Variants in RXFP2 observed in about 807,000 individuals in gnomAD.
The protein encoded by RXFP2 is relaxin family peptide receptor 2.
A neutral mutation model predicts 88.6 loss-of-function variants in RXFP2; 68 were observed. That is an observed-to-expected ratio of 0.77 (90% CI 0.63 to 0.94). The LOEUF (loss-of-function observed/expected upper bound fraction) is 0.94. RXFP2 is among the 40% of genes least tolerant of loss of function. The pLI, the probability that RXFP2 is intolerant of heterozygous loss-of-function variation, is 0.00. For synonymous variants in RXFP2, 329 were observed against 306.8 expected, an observed-to-expected ratio of 1.07 and a Z score of -0.76; for missense variants, 791 against 893.9, an observed-to-expected ratio of 0.88 and a Z score of 1.47.
chr13:31,790,988 T>C (rs1242648896), intron 14 of RXFP2, among the ~76,000 whole-genome samples: 1 of 152,068 alleles, frequency 6.6e-6, no homozygotes, highest in East Asian at 1.9e-4. Context: ...GCAGCCTTGG[T>C]CTAGAAACTG....
At chr13:31,758,157 A>G (rs1872055388) in intron 1 of RXFP2, 101 bp from the exon 2 acceptor site, 8 of 1,129,142 alleles carry the variant, frequency 7.1e-6, no homozygotes, top group South Asian at 3.7e-5. Flanking sequence ...GAATAATACC[A>G]GATGAACTCA....
intron 3 of RXFP2, 59 bp from the exon 4 acceptor site, chr13:31,764,978 C>T (rs1872481323): frequency 1.1e-6 from 1 of 938,988 alleles, no homozygotes; most frequent in Admixed American, 1.7e-5. Context: ...TTATTAAAGG[C>T]AAAGTCATAA....
chr13:31,782,230 TG>T (rs1217865793), intron 10 of RXFP2, among the ~76,000 whole-genome samples: 1 of 152,184 alleles, frequency 6.6e-6, no homozygotes, highest in Admixed American at 6.5e-5. Context: ...ATATTTTTTA[TG>T]GGGGCGGGAA....
In RXFP2 at chr13:31,765,910, T is replaced by C. The variant is rs769904831; in HGVS notation, c.426-46T>C. ...ATGTGGCTTCTAGGGAAGAGTGGGT[T>C]GGCCATAACAATCCATAATGAAGTT... On this transcript the variant is annotated intron_variant, in intron 4 of 17. Transcript: ENST00000298386. The C allele has an allele frequency of 5.5e-6, 5 of 901,394 alleles. No individual in the cohort carries two copies. In the Admixed American group the frequency reaches 9.7e-5, roughly 18 times the overall value. 55.8% of individuals were successfully genotyped at this position (901,394 alleles called of 1,614,324 possible).
chr13:31,787,244 G>A (rs1401728944), intron 13 of RXFP2, among the ~76,000 whole-genome samples: 3 of 152,168 alleles, frequency 2.0e-5, no homozygotes, highest in South Asian at 2.1e-4. Context: ...AGCAGACTAC[G>A]CTGCCTGACT....
intron 5 of RXFP2, among the ~76,000 whole-genome samples, chr13:31,771,649 G>A (rs1453007748): frequency 6.6e-6 from 1 of 151,974 alleles, no homozygotes; most frequent in Non-Finnish European, 1.5e-5. Flanking sequence ...AACATTAGCT[G>A]GGCATGGTGG....
At chr13:31,795,523 G>A (rs1873990417) in intron 16 of RXFP2, among the ~76,000 whole-genome samples, 1 of 152,116 alleles carries the variant, frequency 6.6e-6, no homozygotes, top group Non-Finnish European at 1.5e-5. Context: ...TTCTAACAGA[G>A]TGATTATCTT....
chr13:31,794,884 A>T (rs1873956319), intron 16 of RXFP2, among the ~76,000 whole-genome samples: 1 of 151,700 alleles, frequency 6.6e-6, no homozygotes, highest in African/African-American at 2.4e-5. Flanking sequence ...AGACAAAGAG[A>T]TCGTCACACA....
intron 1 of RXFP2, among the ~76,000 whole-genome samples, chr13:31,753,724 A>G (rs1043334955): frequency 6.6e-6 from 1 of 152,196 alleles, no homozygotes; most frequent in Non-Finnish European, 1.5e-5. Flanking sequence ...ATGGAAGACT[A>G]AAAAATAATT....
At chr13:31,772,906 T>G (rs1872785560) in intron 5 of RXFP2, among the ~76,000 whole-genome samples, 2 of 152,224 alleles carry the variant, frequency 1.3e-5, no homozygotes, top group Non-Finnish European at 1.5e-5. Context: ...TGACAACATG[T>G]AGGTAAAATA....
At chr13:31,797,956 T>C (rs770541248) in intron 17 of RXFP2, among the ~76,000 whole-genome samples, 1 of 152,158 alleles carries the variant, frequency 6.6e-6, no homozygotes, top group Non-Finnish European at 1.5e-5. Flanking sequence ...GAAAATCACC[T>C]TTCCTTAGCA....
intron 7 of RXFP2, among the ~76,000 whole-genome samples, chr13:31,776,102 T>TTTTCTTTTCTTTCTTTCTTTCTTTCTTTC (rs372102585): frequency 4.5e-5 from 5 of 109,910 alleles, no homozygotes; most frequent in African/African-American, 1.8e-4. Context: ...CTTTCTTTTC[T>TTTTCTTTTCTTTCTTTCTTTCTTTCTTTC]TTTCTTTCTT....
Position 31,780,897 on chromosome 13 carries a change from C to T in RXFP2, c.786-774C>T, listed in dbSNP as rs1484432906. Among the ~76,000 whole-genome samples, 7 of 152,282 alleles carry T rather than the reference C, an allele frequency of 4.6e-5. No homozygotes were observed. In the East Asian group the frequency reaches 7.7e-4, roughly 17 times the overall value. On this transcript the variant is annotated intron_variant, in intron 9 of 17. Coordinates refer to ENST00000298386, the MANE Select transcript of RXFP2 (RefSeq NM_130806.5). ...TCAGTACTAGAGTTTCTGATTCAGT[C>T]GGTCTTGGGCAAGAATCTGCATTTC...
intron 1 of RXFP2, among the ~76,000 whole-genome samples, chr13:31,748,538 G>A (rs535674533): frequency 9.2e-5 from 14 of 152,004 alleles, no homozygotes; most frequent in South Asian, 2.1e-4. Context: ...TCTTTCGTTC[G>A]GTACCTATTC....
chr13:31,802,628 A>G lies in RXFP2; in HGVS notation c.*223A>G, dbSNP rs1399860664. ...TTCCTCTCCTCACCCCACATGCCTG[A>G]AAAGCACATGTGAATTCGTGTATAG... is the stretch of plus-strand genomic sequence containing the variant. On this transcript the variant is annotated 3_prime_UTR_variant, in exon 18 of 18. Coordinates refer to ENST00000298386, the MANE Select transcript of RXFP2 (RefSeq NM_130806.5). 1 of 560,072 alleles carries G rather than the reference A, an allele frequency of 1.8e-6. No homozygotes were observed. Among genetic ancestry groups the G allele is most frequent in the Non-Finnish European group, 3.2e-6 (1 of 311,778 alleles). 34.7% of individuals were successfully genotyped at this position (560,072 alleles called of 1,614,324 possible).
At chr13:31,765,876 T>C (rs1872527724) in intron 4 of RXFP2, 80 bp from the exon 5 acceptor site, 2 of 737,498 alleles carry the variant, frequency 2.7e-6, no homozygotes, top group African/African-American at 3.5e-5. Context: ...AAATATTCTT[T>C]TCCCAAGCAT....
At chr13:31,742,554 AT>A (rs1270515192) in intron 1 of RXFP2, among the ~76,000 whole-genome samples, 1 of 152,100 alleles carries the variant, frequency 6.6e-6, no homozygotes, top group Non-Finnish European at 1.5e-5. Flanking sequence ...ACCTTTAGAG[AT>A]GTGTTATCTC....
chr13:31,743,286 G>A (rs572275576), intron 1 of RXFP2, among the ~76,000 whole-genome samples: 3 of 152,084 alleles, frequency 2.0e-5, no homozygotes, highest in East Asian at 3.9e-4. Context: ...TGGAAAACAT[G>A]GTGAAATCCC....
intron 14 of RXFP2, among the ~76,000 whole-genome samples, chr13:31,790,424 A>G (rs1324333401): frequency 6.6e-6 from 1 of 152,208 alleles, no homozygotes; most frequent in Non-Finnish European, 1.5e-5. Context: ...CTTTAATTGG[A>G]TGCCAGATAT....
Sources: allele counts gnomAD v4.1 joint callset (sites outside exome capture counted in the v4.1 genomes callset), GRCh38; gene constraint gnomAD v4.1.1; transcripts MANE v1.5; gene names NCBI Gene and HGNC (gene_info 2026-07-23, HGNC 2026-07-21).